The following MYLK variants were observed in gnomAD, a reference collection of about 807,000 sequenced individuals.
MYLK encodes myosin light chain kinase, smooth muscle.
In MYLK, 106 loss-of-function variants were observed where a neutral mutation model predicts 203.4. The observed-to-expected ratio is 0.52, with a 90% CI of 0.45 to 0.61. MYLK has a LOEUF of 0.61. Among genes scored for constraint, MYLK ranks in the 20% least tolerant of loss-of-function variants. The probability of loss-of-function intolerance (pLI) is 0.00; values close to 1 mark genes in which losing one functional copy is unlikely to be tolerated. For missense variants in MYLK, 2,072 were observed against 2,442.3 expected, an observed-to-expected ratio of 0.85 and a Z score of 3.20; for synonymous variants, 867 against 959.5, an observed-to-expected ratio of 0.90 and a Z score of 1.78.
chr3:123,846,921 T>C (rs1036844709), intron 2 of MYLK, among the ~76,000 whole-genome samples: 2 of 152,160 alleles, frequency 1.3e-5, no homozygotes, highest in African/African-American at 4.8e-5. Flanking sequence ...ATTTTTCTAA[T>C]TGGTTATTCC....
rs1313975096 is a variant in MYLK, at chr3:123,611,338, A to G, written c.*2767T>C. 6.6e-6 allele frequency: 1 copy of G among 152,212 alleles called. No homozygotes were observed. The highest frequency in any genetic ancestry group is 1.9e-4 in the East Asian group (1 of 5,190). The allele number at this position is 152,212 out of a possible 1,614,324, so 9.4% of individuals were successfully genotyped here. ...GCAGGACTGGTAGTTTCCTGATAACAAATTCTTCAATATGAAGGTATGGAT... is the reference window on the plus strand; with the variant it reads ...GCAGGACTGGTAGTTTCCTGATAACGAATTCTTCAATATGAAGGTATGGAT... On this transcript the variant is annotated 3_prime_UTR_variant, in exon 34 of 34. Coordinates refer to ENST00000360304, the MANE Select transcript of MYLK (RefSeq NM_053025.4).
intron 8 of MYLK, among the ~76,000 whole-genome samples, chr3:123,737,061 A>C (rs909757710): frequency 1.3e-5 from 2 of 151,836 alleles, no homozygotes; most frequent in East Asian, 1.9e-4. Flanking sequence ...TCTACAAAAA[A>C]TACAAAAATC....
At chr3:123,708,977 A>G (rs1323083819) in intron 14 of MYLK, 82 bp from the exon 15 acceptor site, 1 of 1,205,242 alleles carries the variant, frequency 8.3e-7, no homozygotes, top group East Asian at 2.4e-5. Flanking sequence ...ATGCAGTGAT[A>G]TTGGATGAAA....
chr3:123,863,499 T>C (rs2032091231), intron 2 of MYLK, among the ~76,000 whole-genome samples: 1 of 152,022 alleles, frequency 6.6e-6, no homozygotes, highest in African/African-American at 2.4e-5. Context: ...AAAAAATTCC[T>C]ACAACTCAAC....
Position 123,648,337 on chromosome 3 carries a change from G to C in MYLK, c.4415+634C>G, listed in dbSNP as rs1325784934. On this transcript the variant is annotated intron_variant, in intron 26 of 33. Coordinates refer to ENST00000360304, the MANE Select transcript of MYLK (RefSeq NM_053025.4). The surrounding 1 kb of genome is among the most constrained non-coding windows in gnomAD (Gnocchi z 4.5). ...TTCATGAGGGAGCTTGATGACTGCT[G>C]CGCGTTTAATGGAGCACTAACGCAG... Among the ~76,000 whole-genome samples, 1 of 152,198 alleles carries C rather than the reference G, an allele frequency of 6.6e-6. No individual in the cohort carries two copies. The highest frequency in any genetic ancestry group is 2.4e-5 in the African/African-American group (1 of 41,442).
chr3:123,734,499 AC>A (rs1270309060), intron 9 of MYLK: 1 of 361,630 alleles, frequency 2.8e-6, no homozygotes, highest in Non-Finnish European at 4.9e-6. Context: ...CCGTAGTTCA[AC>A]CTCTGCCACC....
In MYLK at chr3:123,626,956, G is replaced by T; in HGVS notation, c.5115-15C>A. ...CCAGGCGGTTTCTGACAGAGGCAGAGATCAGGAGATTTTTGAGCAGGAGGA... is the reference window on the plus strand; with the variant it reads ...CCAGGCGGTTTCTGACAGAGGCAGATATCAGGAGATTTTTGAGCAGGAGGA... On this transcript the variant is annotated splice_polypyrimidine_tract_variant and intron_variant, in intron 30 of 33. Transcript: ENST00000360304. The T allele has an allele frequency of 1.9e-6, 3 of 1,614,068 alleles. No individual in the cohort carries two copies. The highest frequency in any genetic ancestry group is 2.5e-6 in the Non-Finnish European group (3 of 1,179,978).
At chr3:123,632,207 C>T (rs1403884489) in intron 29 of MYLK, among the ~76,000 whole-genome samples, 1 of 152,028 alleles carries the variant, frequency 6.6e-6, no homozygotes, top group Non-Finnish European at 1.5e-5. Flanking sequence ...GGGGACTAGG[C>T]TAGATTTCCT....
At chr3:123,728,412 C>A (rs56146382) in intron 11 of MYLK, among the ~76,000 whole-genome samples, 11,012 of 152,120 alleles carry the variant, frequency 0.072, 1,283 homozygotes, top group African/African-American at 0.24. Flanking sequence ...TAGGCTGAGG[C>A]AGGAGGATTG....
At chr3:123,848,461 G>A (rs565978051) in intron 2 of MYLK, among the ~76,000 whole-genome samples, 17 of 151,162 alleles carry the variant, frequency 1.1e-4, no homozygotes, top group African/African-American at 2.2e-4. Context: ...CCCTTGTTCC[G>A]TACTAACATA....
intron 2 of MYLK, among the ~76,000 whole-genome samples, chr3:123,875,759 T>C: frequency 6.6e-6 from 1 of 152,196 alleles, no homozygotes; most frequent in Non-Finnish European, 1.5e-5. Context: ...ATGCTGATCA[T>C]TTGTCAAACA....
chr3:123,854,161 T>C (rs945220134), intron 2 of MYLK, among the ~76,000 whole-genome samples: 2 of 149,342 alleles, frequency 1.3e-5, no homozygotes, highest in South Asian at 2.2e-4. Context: ...AGAGGCATGA[T>C]AGAGTCCAAT....
intron 20 of MYLK, 107 bp downstream of exon 20, chr3:123,682,117 A>T: frequency 1.2e-6 from 1 of 843,748 alleles, no homozygotes; most frequent in Non-Finnish European, 2.0e-6. Flanking sequence ...CCAGGGATTC[A>T]GGCAAGAGTG....
At chr3:123,690,417 G>A (rs1302484695) in intron 19 of MYLK, among the ~76,000 whole-genome samples, 1 of 152,158 alleles carries the variant, frequency 6.6e-6, no homozygotes, top group Non-Finnish European at 1.5e-5. Flanking sequence ...TAATTTCAGG[G>A]GAGGCACAAA....
chr3:123,647,845 C>T (rs1435111275), intron 26 of MYLK, among the ~76,000 whole-genome samples: 1 of 152,130 alleles, frequency 6.6e-6, no homozygotes, highest in Non-Finnish European at 1.5e-5. Flanking sequence ...AGCCACCACA[C>T]CTGGCCTTTG....
intron 2 of MYLK, among the ~76,000 whole-genome samples, chr3:123,866,198 T>C (rs1353077399): frequency 6.6e-6 from 1 of 152,162 alleles, no homozygotes; most frequent in Non-Finnish European, 1.5e-5. Flanking sequence ...TATGCCACTG[T>C]TTGGGAGAGT....
intron 24 of MYLK, among the ~76,000 whole-genome samples, chr3:123,650,941 G>A (rs542298879): frequency 1.4e-4 from 22 of 152,280 alleles, no homozygotes; most frequent in South Asian, 1.2e-3. Flanking sequence ...TGCTGTCACA[G>A]GGCAAAGTGT....
intron 4 of MYLK, among the ~76,000 whole-genome samples, chr3:123,767,756 G>A (rs1325331729): frequency 6.6e-6 from 1 of 152,258 alleles, no homozygotes. Context: ...CCATGGGGGT[G>A]TCAGGAAGTG....
intron 20 of MYLK, among the ~76,000 whole-genome samples, chr3:123,676,161 T>C (rs1303226167): frequency 2.0e-5 from 3 of 152,238 alleles, no homozygotes; most frequent in African/African-American, 7.2e-5. Context: ...TGGGAGACAC[T>C]GGGTGAGTTG....
Sources: gnomAD v4.1 joint callset for allele counts (sites outside exome capture counted in the v4.1 genomes callset) on GRCh38, gnomAD v4.1.1 for gene constraint, Gnocchi (gnomAD v3.1) non-coding constraint, MANE v1.5 for transcripts, NCBI Gene and HGNC (gene_info 2026-07-23, HGNC 2026-07-21) for gene names.